The following CNGB1 variants were observed in gnomAD, a reference collection of about 807,000 sequenced individuals.
CNGB1 encodes cyclic nucleotide gated channel subunit beta 1, also known as cyclic nucleotide-gated channel beta-1.
CNGB1 carries 126 observed loss-of-function variants against 151.7 expected under a neutral mutation model. The observed-to-expected ratio is 0.83, with a 90% CI of 0.72 to 0.96. The LOEUF (loss-of-function observed/expected upper bound fraction) is 0.96. Among genes scored for constraint, CNGB1 ranks in the 40% least tolerant of loss-of-function variants. The pLI, the probability that CNGB1 is intolerant of heterozygous loss-of-function variation, is 0.00. For synonymous variants in CNGB1, 623 were observed against 635.1 expected (o/e 0.98, Z 0.29); for missense variants, 1,698 against 1,627.0 (o/e 1.04, Z -0.75).
chr16:57,949,572 C>T, intron 13 of CNGB1, 133 bp from the exon 14 acceptor site: 2 of 1,442,454 alleles, frequency 1.4e-6, no homozygotes, highest in Non-Finnish European at 1.9e-6. Flanking sequence ...AAGGCTCAAC[C>T]TGGGGAGCCC....
chr16:57,962,652 G>T (rs773801710), intron 6 of CNGB1, 42 bp from the exon 7 acceptor site: 1 of 1,607,550 alleles, frequency 6.2e-7, no homozygotes, highest in African/African-American at 1.3e-5. Context: ...AGCAGCGGGA[G>T]ACCTGCCCCA....
intron 32 of CNGB1, among the ~76,000 whole-genome samples, chr16:57,884,702 A>G (rs555150211): frequency 6.6e-6 from 1 of 152,224 alleles, no homozygotes; most frequent in Admixed American, 6.5e-5. Flanking sequence ...GGGATGTCTT[A>G]GATCTAGGCT....
intron 27 of CNGB1, 66 bp from the exon 28 acceptor site, chr16:57,901,691 C>T: frequency 7.5e-7 from 1 of 1,325,386 alleles, no homozygotes; most frequent in South Asian, 1.2e-5. Flanking sequence ...ACATACCGGC[C>T]AAGTGCCCAC....
intron 4 of CNGB1, among the ~76,000 whole-genome samples, chr16:57,963,385 G>C (rs866023806): frequency 2.6e-5 from 4 of 152,310 alleles, no homozygotes; most frequent in African/African-American, 7.2e-5. Flanking sequence ...GTGCCATTCA[G>C]AGCCCACCCT....
At chr16:57,925,463 A>G (rs529443106) in intron 17 of CNGB1, among the ~76,000 whole-genome samples, 9 of 152,324 alleles carry the variant, frequency 5.9e-5, no homozygotes, top group Non-Finnish European at 1.3e-4. Context: ...GGGACATGAA[A>G]ATAAAATGCA....
chr16:57,959,489 C>A (rs972194126), intron 10 of CNGB1, among the ~76,000 whole-genome samples: 4 of 152,158 alleles, frequency 2.6e-5, no homozygotes, highest in Admixed American at 6.5e-5. Flanking sequence ...GTAATCCCAG[C>A]TACTCAGGAG....
intron 27 of CNGB1, among the ~76,000 whole-genome samples, chr16:57,903,132 G>A (rs1960434084): frequency 6.6e-6 from 1 of 151,528 alleles, no homozygotes; most frequent in Admixed American, 6.6e-5. Context: ...AGAGAGAGAG[G>A]GAAGGAGGGA....
At chr16:57,895,398 G>A (rs556213976) in intron 31 of CNGB1, among the ~76,000 whole-genome samples, 19 of 149,712 alleles carry the variant, frequency 1.3e-4, no homozygotes, top group African/African-American at 3.9e-4. Flanking sequence ...GTGAAACTCC[G>A]TCTCAAAAAA....
chr16:57,884,082 G>A lies in CNGB1; in HGVS notation c.*82C>T, dbSNP rs2149349962. 4 of 1,592,796 alleles carry A rather than the reference G, an allele frequency of 2.5e-6. No individual in the cohort carries two copies. In the South Asian group the frequency reaches 4.4e-5, roughly 18 times the overall value. ...ATCTTCTCTTGAGCCGTGGGGGAAG[G>A]TGGGGCGCTGGGGCGCAGGGGCGCA... is the stretch of plus-strand genomic sequence containing the variant. On this transcript the variant is annotated 3_prime_UTR_variant, in exon 33 of 33. Coordinates refer to ENST00000251102, the MANE Select transcript of CNGB1 (RefSeq NM_001297.5).
chr16:57,911,658 A>G, intron 25 of CNGB1, 95 bp downstream of exon 25: 1 of 1,555,020 alleles, frequency 6.4e-7, no homozygotes, highest in Non-Finnish European at 8.8e-7. Context: ...GCAATACAGC[A>G]GCAATAAGAC....
intron 17 of CNGB1, among the ~76,000 whole-genome samples, chr16:57,925,065 C>T (rs1204018120): frequency 2.6e-5 from 4 of 152,222 alleles, no homozygotes; most frequent in African/African-American, 7.2e-5. Flanking sequence ...TGCAGTGGCA[C>T]GATCTCGGCT....
chr16:57,950,021 T>C (rs551226061), intron 13 of CNGB1, among the ~76,000 whole-genome samples: 7 of 152,356 alleles, frequency 4.6e-5, no homozygotes, highest in Non-Finnish European at 1.0e-4. Flanking sequence ...AGCCATATGA[T>C]GGAATACTAT....
chr16:57,970,013 A>G (rs942200220), intron 1 of CNGB1, among the ~76,000 whole-genome samples: 11 of 152,196 alleles, frequency 7.2e-5, no homozygotes, highest in African/African-American at 2.7e-4. Flanking sequence ...AGCTCCCCAG[A>G]GCCCACGGCT....
intron 19 of CNGB1, among the ~76,000 whole-genome samples, chr16:57,919,572 G>A (rs1011318201): frequency 1.3e-5 from 2 of 152,120 alleles, no homozygotes; most frequent in African/African-American, 4.8e-5. Context: ...CTTGTGTGTT[G>A]TGCTTAGACC....
chr16:57,967,368 G>A (rs972190091), intron 1 of CNGB1, 74 bp from the exon 2 acceptor site: 4 of 1,445,774 alleles, frequency 2.8e-6, no homozygotes, highest in East Asian at 2.3e-5. Context: ...CCACTCTTAT[G>A]AGTTGTACAT....
At chr16:57,909,172 G>A (rs1309754864) in intron 25 of CNGB1, among the ~76,000 whole-genome samples, 1 of 152,144 alleles carries the variant, frequency 6.6e-6, no homozygotes, top group African/African-American at 2.4e-5. Flanking sequence ...GGAGACTGAG[G>A]TGGGGGGATC....
intron 32 of CNGB1, among the ~76,000 whole-genome samples, chr16:57,885,008 G>A (rs1411579985): frequency 1.3e-5 from 2 of 152,226 alleles, no homozygotes; most frequent in Non-Finnish European, 2.9e-5. Flanking sequence ...CTATTGGGCT[G>A]CGCTGACCCC....
chr16:57,968,428 T>C (rs941172659), intron 1 of CNGB1, among the ~76,000 whole-genome samples: 22 of 151,876 alleles, frequency 1.4e-4, no homozygotes, highest in Non-Finnish European at 2.8e-4. Flanking sequence ...ACCCAGGAGG[T>C]AGAGGTTGCA....
chr16:57,925,859 C>T (rs890251425), intron 17 of CNGB1, among the ~76,000 whole-genome samples: 81 of 152,042 alleles, frequency 5.3e-4, no homozygotes, highest in Non-Finnish European at 6.2e-4. Context: ...AGCTAATTTT[C>T]GTATTTTTAG....
Sources: gnomAD v4.1 joint callset for allele counts (sites outside exome capture counted in the v4.1 genomes callset) on GRCh38, gnomAD v4.1.1 for gene constraint, MANE v1.5 for transcripts, NCBI Gene and HGNC (gene_info 2026-07-23, HGNC 2026-07-21) for gene names.